Variants in SERTAD2 observed in about 807,000 individuals in gnomAD.
The protein encoded by SERTAD2 is SERTA domain containing 2.
SERTAD2 carries 2 observed loss-of-function variants against 15.4 expected under a neutral mutation model. That is an observed-to-expected ratio of 0.13 (90% CI 0.05 to 0.41). The LOEUF is 0.41. SERTAD2 is among the 10% of genes least tolerant of loss of function. SERTAD2 has a pLI of 0.99. For missense variants in SERTAD2, 333 were observed against 409.7 expected (o/e 0.81, Z 1.62); for synonymous variants, 180 against 178.0 (o/e 1.01, Z -0.09).
chr2:64,637,377 G>A (rs1260905036), intron 1 of SERTAD2, among the ~76,000 whole-genome samples: 1 of 152,198 alleles, frequency 6.6e-6, no homozygotes. Flanking sequence ...AAGGTAACAT[G>A]TATAATTTGG....
chr2:64,642,106 T>A (rs1207835770), intron 1 of SERTAD2, among the ~76,000 whole-genome samples: 2 of 152,234 alleles, frequency 1.3e-5, no homozygotes, highest in African/African-American at 4.8e-5. Flanking sequence ...CCTTCCTTAT[T>A]TGTGTCTAAT....
At chr2:64,649,763 T>C (rs1674972128) in intron 1 of SERTAD2, among the ~76,000 whole-genome samples, 1 of 152,206 alleles carries the variant, frequency 6.6e-6, no homozygotes, top group African/African-American at 2.4e-5. Flanking sequence ...AGACCTGCTA[T>C]AGCAGTTGCA....
chr2:64,636,389 G>A lies in SERTAD2; in HGVS notation c.483C>T (p.Ala161=), dbSNP rs761982934. The A allele has an allele frequency of 6.2e-7, 1 of 1,614,090 alleles. No homozygotes were observed. The highest frequency in any genetic ancestry group is 8.5e-7 in the Non-Finnish European group (1 of 1,180,040). The change falls in exon 2 of 2, where the codon GCC becomes GCT. Residue 161 remains alanine (A), a synonymous_variant. Transcript: ENST00000313349. ...PTAPTKLSPP[A]LLPEKDSFSS... is the part of the protein sequence containing the mutation. ...AGAAACTGTCCTTTTCTGGCAAGAGGGCTGGAGGTGACAGTTTGGTGGGAG... is the reference window on the plus strand; with the variant it reads ...AGAAACTGTCCTTTTCTGGCAAGAGAGCTGGAGGTGACAGTTTGGTGGGAG...
At position 64,633,925 on chromosome 2, in the gene SERTAD2, C is replaced by T. The variant is rs539755458; in HGVS notation, c.*2002G>A. 3 of 152,740 alleles carry T rather than the reference C, an allele frequency of 2.0e-5. No individual in the cohort carries two copies. The highest frequency in any genetic ancestry group is 2.0e-4 in the Admixed American group (3 of 15,304). 9.5% of individuals were successfully genotyped at this position (152,740 alleles called of 1,614,324 possible). A position where few individuals can be genotyped will look rare whatever the true frequency, so the allele number is the denominator to read the frequency against. On this transcript the variant is annotated 3_prime_UTR_variant, in exon 2 of 2. Coordinates refer to ENST00000313349, the MANE Select transcript of SERTAD2 (RefSeq NM_014755.3). ...TACTCAAATCTTTTGCTTAGATGAG[C>T]AGTTCCTTCATCACAAACGTCTTTG...
intron 1 of SERTAD2, among the ~76,000 whole-genome samples, chr2:64,638,390 A>G (rs1022806145): frequency 8.5e-5 from 13 of 152,166 alleles, no homozygotes; most frequent in Admixed American, 3.9e-4. Flanking sequence ...ACACCTGATC[A>G]CCATTTTGAA....
intron 1 of SERTAD2, among the ~76,000 whole-genome samples, chr2:64,653,363 T>C (rs1240153100): frequency 9.9e-6 from 1 of 101,194 alleles, no homozygotes; most frequent in East Asian, 3.0e-4. Flanking sequence ...GACCCCCTCC[T>C]GACCCCGGCC....
intron 1 of SERTAD2, among the ~76,000 whole-genome samples, chr2:64,653,294 C>G (rs913376544): frequency 1.3e-5 from 2 of 152,194 alleles, no homozygotes; most frequent in African/African-American, 4.8e-5. Context: ...ACACACATCC[C>G]AGCTGTAGAG....
rs371225456 is a variant in SERTAD2 at position 64,636,892 on chromosome 2, G to A, written c.-4-17C>T. On this transcript the variant is annotated splice_polypyrimidine_tract_variant and intron_variant, in intron 1 of 1. Transcript: ENST00000313349. ...AACATATATCTGCAGAGGGGAGAGA[G>A]AGGAAATGGCATTAATCACATGAAA... The A allele has an allele frequency of 2.6e-6, 4 of 1,538,892 alleles. No homozygotes were observed. Among genetic ancestry groups the A allele is most frequent in the African/African-American group, 2.7e-5 (2 of 72,892 alleles).
intron 1 of SERTAD2, among the ~76,000 whole-genome samples, chr2:64,644,061 T>A (rs1343022783): frequency 6.6e-6 from 1 of 152,190 alleles, no homozygotes. Context: ...TGCCCTCATG[T>A]ACCCACCTCT....
chr2:64,643,287 G>C (rs1267739452), intron 1 of SERTAD2, among the ~76,000 whole-genome samples: 3 of 152,260 alleles, frequency 2.0e-5, no homozygotes, highest in African/African-American at 4.8e-5. Context: ...AGAGCAGCAG[G>C]CTTCACAATT....
rs751417532 is a variant in SERTAD2 at position 64,636,524 on chromosome 2, G to A, written c.348C>T (p.His116=). 11 of 1,603,966 alleles carry A rather than the reference G, an allele frequency of 6.9e-6. No individual in the cohort carries two copies. The highest frequency in any genetic ancestry group is 9.4e-6 in the Non-Finnish European group (11 of 1,173,486). ...AFSHLASPSS[H]PCDLGSTTPL... ...GCGTAGTGCTTCCGAGGTCGCAGGG[G>A]TGGGAGGACGGGGACGCCAGGTGGC... Residue 116 remains histidine, a synonymous_variant, in exon 2 of 2, where the codon CAC becomes CAT. Transcript: ENST00000313349.
At position 64,649,133 on chromosome 2, in the gene SERTAD2, C is replaced by T. The variant is rs56084079; in HGVS notation, c.-5+4487G>A. ...AGCTGCCAGCTCGATATCTCATTAG[C>T]GTGACTAGGATTTTATGCAAACCTG... On this transcript the variant is annotated intron_variant, in intron 1 of 1. Transcript: ENST00000313349. Among the ~76,000 whole-genome samples, 1,365 of 152,332 alleles carry T rather than the reference C, an allele frequency of 9.0e-3. 13 individuals are homozygous for T. The highest frequency in any genetic ancestry group is 0.013 in the Non-Finnish European group (866 of 68,034).
At chr2:64,648,429 A>G (rs1573091527) in intron 1 of SERTAD2, among the ~76,000 whole-genome samples, 1 of 152,252 alleles carries the variant, frequency 6.6e-6, no homozygotes, top group African/African-American at 2.4e-5. Flanking sequence ...TATGGCAGCC[A>G]TTAAAGAATA....
Position 64,633,893 on chromosome 2 carries a change from C to G in SERTAD2, c.*2034G>C, listed in dbSNP as rs1015566179. ...AAATTAGAATGTAGAAAGCCTTTAT[C>G]ATATCATACTCAAATCTTTTGCTTA... On this transcript the variant is annotated 3_prime_UTR_variant, in exon 2 of 2. Transcript: ENST00000313349. 1.3e-5 allele frequency: 2 copies of G among 152,568 alleles called. No homozygotes were observed. Among genetic ancestry groups the G allele is most frequent in the Non-Finnish European group, 2.9e-5 (2 of 67,980 alleles). The allele number at this position is 152,568 out of a possible 1,614,324, so 9.5% of individuals were successfully genotyped here. A position where few individuals can be genotyped will look rare whatever the true frequency, so the allele number is the denominator to read the frequency against.
chr2:64,641,629 A>C (rs1312847317), intron 1 of SERTAD2, among the ~76,000 whole-genome samples: 1 of 152,056 alleles, frequency 6.6e-6, no homozygotes, highest in Non-Finnish European at 1.5e-5. Flanking sequence ...CCAGGGCAGC[A>C]CTGTAAAAAC....
intron 1 of SERTAD2, among the ~76,000 whole-genome samples, chr2:64,653,229 C>A (rs953153398): frequency 6.6e-6 from 1 of 152,236 alleles, no homozygotes; most frequent in Non-Finnish European, 1.5e-5. Context: ...CGCCAGCAAT[C>A]CGAGCCTTAA....
At position 64,636,884 on chromosome 2, in the gene SERTAD2, G is replaced by A; in HGVS notation, c.-4-9C>T. ...CTTTACCCAACATATATCTGCAGAG[G>A]GGAGAGAGAGGAAATGGCATTAATC... On this transcript the variant is annotated splice_polypyrimidine_tract_variant and intron_variant, in intron 1 of 1. Coordinates refer to ENST00000313349, the MANE Select transcript of SERTAD2 (RefSeq NM_014755.3). 6.4e-7 allele frequency: 1 copy of A among 1,562,514 alleles called. No individual in the cohort carries two copies. Among genetic ancestry groups the A allele is most frequent in the Non-Finnish European group, 8.8e-7 (1 of 1,142,606 alleles).
rs1287152191 is a variant in SERTAD2 at position 64,640,344 on chromosome 2, G to A, written c.-4-3469C>T. ...TCCTTAAGCAGGGCCCAATTTAAAG[G>A]AGAAAAGACACGACATGCCCTCAAG... On this transcript the variant is annotated intron_variant, in intron 1 of 1. Transcript: ENST00000313349. 2.0e-5 allele frequency among the ~76,000 whole-genome samples: 3 copies of A among 152,240 alleles called. No individual in the cohort carries two copies. The East Asian group carries it at 5.8e-4, about 29-fold the overall frequency.
At chr2:64,643,695 C>T (rs934536924) in intron 1 of SERTAD2, among the ~76,000 whole-genome samples, 4 of 152,152 alleles carry the variant, frequency 2.6e-5, no homozygotes, top group Non-Finnish European at 5.9e-5. Flanking sequence ...GGTGAAACCC[C>T]ATCTCTACTA....
Sources: gnomAD v4.1 joint callset for allele counts (sites outside exome capture counted in the v4.1 genomes callset) on GRCh38, gnomAD v4.1.1 for gene constraint, MANE v1.5 for transcripts, NCBI Gene and HGNC (gene_info 2026-07-23, HGNC 2026-07-21) for gene names.